HUNK: variants seen among roughly 807,000 people sequenced by gnomAD.
HUNK encodes the protein hormonally up-regulated Neu-associated kinase, also known as hormonally up-regulated neu tumor-associated kinase.
HUNK carries 21 observed loss-of-function variants against 61.0 expected under a neutral mutation model. That is an observed-to-expected ratio of 0.34 (90% CI 0.24 to 0.50). HUNK has a LOEUF of 0.50. Among genes scored for constraint, HUNK ranks in the 20% least tolerant of loss-of-function variants. HUNK has a pLI of 0.98. For missense variants in HUNK, 772 were observed against 945.7 expected (o/e 0.82, Z 2.41); for synonymous variants, 371 against 386.1 (o/e 0.96, Z 0.46).
At chr21:31,884,777 C>CT (rs141943817) in intron 1 of HUNK, among the ~76,000 whole-genome samples, 3,073 of 148,486 alleles carry the variant, frequency 0.021, 76 homozygotes, top group African/African-American at 0.062. Flanking sequence ...CACGTCTCTT[C>CT]TTTTTTTTTT....
intron 1 of HUNK, among the ~76,000 whole-genome samples, chr21:31,904,562 A>G (rs2052491817): frequency 1.3e-5 from 2 of 152,188 alleles, no homozygotes; most frequent in Admixed American, 6.5e-5. Context: ...TCAAAGTATC[A>G]GGTTTGCTTG....
At chr21:31,879,457 T>C (rs971707660) in intron 1 of HUNK, among the ~76,000 whole-genome samples, 3 of 152,196 alleles carry the variant, frequency 2.0e-5, no homozygotes, top group Non-Finnish European at 4.4e-5. Context: ...ATGATGGAAA[T>C]TGGCACGTAG....
At chr21:31,975,309 T>C in intron 7 of HUNK, among the ~76,000 whole-genome samples, 1 of 152,230 alleles carries the variant, frequency 6.6e-6, no homozygotes, top group East Asian at 1.9e-4. Context: ...CCTGACACCC[T>C]GTCCCCTTCA....
At chr21:31,904,391 T>G (rs1431220893) in intron 1 of HUNK, among the ~76,000 whole-genome samples, 1 of 152,140 alleles carries the variant, frequency 6.6e-6, no homozygotes, top group Non-Finnish European at 1.5e-5. Context: ...AGGTGACTAA[T>G]GCAAATAAAA....
At chr21:31,991,363 C>T (rs115131820) in intron 9 of HUNK, among the ~76,000 whole-genome samples, 1,680 of 152,194 alleles carry the variant, frequency 0.011, 24 homozygotes, top group African/African-American at 0.038. Context: ...GGACTACAGA[C>T]GCTCTCCACC....
chr21:31,997,547 G>C (rs73901284), intron 10 of HUNK, among the ~76,000 whole-genome samples: 1 of 152,168 alleles, frequency 6.6e-6, no homozygotes, highest in Non-Finnish European at 1.5e-5. Context: ...GATTCATAGA[G>C]ACAGGCAGTA....
chr21:31,984,873 C>G (rs918290493), intron 8 of HUNK, among the ~76,000 whole-genome samples: 6 of 152,114 alleles, frequency 3.9e-5, no homozygotes, highest in Admixed American at 6.5e-5. Flanking sequence ...AAGACATACC[C>G]GAGACTGGGT....
At chr21:31,958,785 A>G in intron 4 of HUNK, 58 bp from the exon 5 acceptor site, 2 of 1,493,892 alleles carry the variant, frequency 1.3e-6, no homozygotes, top group East Asian at 2.4e-5. Flanking sequence ...CCGTGTCCCC[A>G]GTCTTCCCCT....
At chr21:31,938,733 G>C (rs745992366) in intron 2 of HUNK, among the ~76,000 whole-genome samples, 1 of 152,174 alleles carries the variant, frequency 6.6e-6, no homozygotes, top group African/African-American at 2.4e-5. Flanking sequence ...GGAAGAGAAC[G>C]TGTGTTTGTA....
chr21:31,887,528 C>T (rs1286591332), intron 1 of HUNK, among the ~76,000 whole-genome samples: 1 of 152,098 alleles, frequency 6.6e-6, no homozygotes, highest in African/African-American at 2.4e-5. Context: ...CCATTTTAGT[C>T]CTCTTTTTGA....
At chr21:31,894,399 T>C (rs970619039) in intron 1 of HUNK, among the ~76,000 whole-genome samples, 1 of 152,206 alleles carries the variant, frequency 6.6e-6, no homozygotes, top group Non-Finnish European at 1.5e-5. Flanking sequence ...TTGCCAGGTG[T>C]ACTGTGATGT....
chr21:32,001,019 C>T lies in HUNK; in HGVS notation c.*1835C>T, dbSNP rs749094060. The T allele has an allele frequency of 1.2e-4, 34 of 290,642 alleles. No homozygotes were observed. Among genetic ancestry groups the T allele is most frequent in the Middle Eastern group, 2.0e-3 (2 of 1,010 alleles). The allele number at this position is 290,642 out of a possible 1,614,324, so 18.0% of individuals were successfully genotyped here. A position where few individuals can be genotyped will look rare whatever the true frequency, so the allele number is the denominator to read the frequency against. Reference sequence around the variant, plus strand: ...AGGTGTGGTGGCTCACACCTGTAATCCCAGCACTTTGGGAGGCCGAGGCAG... The same window carrying T: ...AGGTGTGGTGGCTCACACCTGTAATTCCAGCACTTTGGGAGGCCGAGGCAG... On this transcript the variant is annotated 3_prime_UTR_variant, in exon 11 of 11. Transcript: ENST00000270112.
At chr21:31,903,077 CT>C (rs1344558270) in intron 1 of HUNK, among the ~76,000 whole-genome samples, 1 of 151,912 alleles carries the variant, frequency 6.6e-6, no homozygotes, top group Admixed American at 6.6e-5. Flanking sequence ...ACATTAAACT[CT>C]TTCTAACATG....
chr21:31,931,062 C>T lies in HUNK; in HGVS notation c.554+6302C>T, dbSNP rs1198763173. 3.4e-5 allele frequency among the ~76,000 whole-genome samples: 3 copies of T among 87,290 alleles called. No homozygotes were observed. The East Asian group carries it at 1.0e-3, about 29-fold the overall frequency. The allele number at this position is 87,290 out of a possible 152,430, so 57.3% of individuals were successfully genotyped here. The stretch of plus-strand genomic sequence containing the variant: ...TAATACAGTGCTTTTGAAGATAAGA[C>T]CTAACCAAAAAAAAAAAAAAAAAAA... On this transcript the variant is annotated intron_variant, in intron 2 of 10. Coordinates refer to ENST00000270112, the MANE Select transcript of HUNK (RefSeq NM_014586.2).
rs1408942046 is a variant in HUNK at position 31,876,319 on chromosome 21, CG to C, written c.261+2387del. Among the ~76,000 whole-genome samples the C allele has an allele frequency of 2.6e-5, 4 of 152,242 alleles. No homozygotes were observed. The East Asian group carries it at 5.8e-4, about 22-fold the overall frequency. On this transcript the variant is annotated intron_variant, in intron 1 of 10. Transcript: ENST00000270112. Reference sequence around the variant, plus strand: ...GGGAGAATCAGTGCTCCAGGGATTGCGGGCATTGGGAGAAATCTGGATTTTA... The same window carrying C: ...GGGAGAATCAGTGCTCCAGGGATTGCGGCATTGGGAGAAATCTGGATTTTA...
intron 1 of HUNK, among the ~76,000 whole-genome samples, chr21:31,883,771 A>G (rs866596584): frequency 2.0e-4 from 30 of 152,222 alleles, no homozygotes; most frequent in African/African-American, 5.8e-4. Context: ...CCTCTAAAAT[A>G]TTAAGAGCCA....
At chr21:31,878,161 C>T (rs1016932887) in intron 1 of HUNK, among the ~76,000 whole-genome samples, 5 of 146,196 alleles carry the variant, frequency 3.4e-5, no homozygotes, top group Non-Finnish European at 7.5e-5. Flanking sequence ...TTGGAGGCTG[C>T]AGCAGGAGAA....
intron 1 of HUNK, among the ~76,000 whole-genome samples, chr21:31,905,932 G>C (rs1190747364): frequency 6.6e-6 from 1 of 152,148 alleles, no homozygotes; most frequent in Non-Finnish European, 1.5e-5. Context: ...CTGGGGCTGG[G>C]AGGAGCTGTG....
At position 31,873,788 on chromosome 21, in the gene HUNK, T is replaced by C. The variant is rs1478628424; in HGVS notation, c.114T>C (p.Pro38=). Residue 38 remains proline (P), a synonymous_variant, in exon 1 of 11, where the codon CCT becomes CCC. Coordinates refer to ENST00000270112, the MANE Select transcript of HUNK (RefSeq NM_014586.2). This position sits in a 1 kb window ranked among gnomAD's most constrained non-coding sequence, Gnocchi z 6.1. ...PAAACEGSFL[P]AWVSGVPRER... ...CGGCCTGCGAGGGAAGTTTCCTGCC[T>C]GCCTGGGTGAGCGGCGTGCCCCGCG... 2 of 1,544,030 alleles carry C rather than the reference T, an allele frequency of 1.3e-6. No homozygotes were observed. The highest frequency in any genetic ancestry group is 1.7e-6 in the Non-Finnish European group (2 of 1,149,270).
Sources: allele counts gnomAD v4.1 joint callset (sites outside exome capture counted in the v4.1 genomes callset), GRCh38; gene constraint gnomAD v4.1.1; non-coding constraint Gnocchi (gnomAD v3.1); transcripts MANE v1.5; gene names NCBI Gene and HGNC (gene_info 2026-07-23, HGNC 2026-07-21).